Variants in TASP1 observed in about 807,000 individuals in gnomAD.
The protein encoded by TASP1 is threonine aspartase 1.
In TASP1, 16 loss-of-function variants were observed where a neutral mutation model predicts 56.6. The observed-to-expected ratio is 0.28, with a 90% CI of 0.19 to 0.43. The LOEUF is 0.43. Ranked by LOEUF, TASP1 falls within the 20% of genes least tolerant of loss-of-function variation. TASP1 has a pLI of 1.00. For missense variants in TASP1, 393 were observed against 511.6 expected, an observed-to-expected ratio of 0.77 and a Z score of 2.24; for synonymous variants, 179 against 184.2, an observed-to-expected ratio of 0.97 and a Z score of 0.23.
At chr20:13,275,650 T>C in the TASP1 span, among the ~76,000 whole-genome samples, 1 of 152,230 alleles carries the variant, frequency 6.6e-6, no homozygotes, top group Non-Finnish European at 1.5e-5. Context: ...CTATGTAGTA[T>C]AATACTATAT....
chr20:13,461,536 G>A (rs1488020038), intron 11 of TASP1, among the ~76,000 whole-genome samples: 1 of 152,146 alleles, frequency 6.6e-6, no homozygotes, highest in East Asian at 1.9e-4. Flanking sequence ...GAATTGGCAA[G>A]CTTTTTCCAT....
the TASP1 span, among the ~76,000 whole-genome samples, chr20:13,203,723 G>C: frequency 1.3e-5 from 2 of 152,242 alleles, no homozygotes. Context: ...AACTTGCAGA[G>C]AATTAAGTTA....
At chr20:13,110,276 C>G in the TASP1 span, 1 of 1,404,084 alleles carries the variant, frequency 7.1e-7, no homozygotes, top group Non-Finnish European at 9.9e-7. Context: ...CTGACCAGTG[C>G]GGAAAGGCTC....
intron 10 of TASP1, among the ~76,000 whole-genome samples, chr20:13,513,627 A>C (rs557671910): frequency 1.3e-5 from 2 of 152,268 alleles, no homozygotes; most frequent in South Asian, 4.2e-4. Context: ...AAATAAAGTG[A>C]ATGACGGTAG....
At chr20:13,587,113 A>G in intron 5 of TASP1, 137 bp downstream of exon 5, 3 of 1,181,894 alleles carry the variant, frequency 2.5e-6, no homozygotes, top group Non-Finnish European at 3.5e-6. Flanking sequence ...TATGTTTTAA[A>G]TTCAATAAAA....
intron 11 of TASP1, among the ~76,000 whole-genome samples, chr20:13,437,085 T>C (rs56679048): frequency 6.6e-6 from 1 of 152,026 alleles, no homozygotes; most frequent in Non-Finnish European, 1.5e-5. Flanking sequence ...ATATCCCTGA[T>C]GAACATCGAT....
At chr20:13,184,416 T>C in the TASP1 span, among the ~76,000 whole-genome samples, 7 of 152,230 alleles carry the variant, frequency 4.6e-5, 1 homozygote, top group East Asian at 5.8e-4. Flanking sequence ...CATTCTTCAA[T>C]TGTCCATAAG....
intron 10 of TASP1, among the ~76,000 whole-genome samples, chr20:13,522,924 T>C (rs1267669312): frequency 1.3e-5 from 2 of 152,072 alleles, no homozygotes; most frequent in African/African-American, 4.8e-5. Context: ...GGAAGTCTAT[T>C]AAGGACAGTA....
At chr20:13,178,000 C>T in the TASP1 span, among the ~76,000 whole-genome samples, 68 of 152,064 alleles carry the variant, frequency 4.5e-4, no homozygotes, top group Non-Finnish European at 1.5e-5. Flanking sequence ...TTGCAAACTA[C>T]TTACCTGACA....
chr20:13,409,191 C>T (rs2042016747), intron 13 of TASP1, among the ~76,000 whole-genome samples: 1 of 151,904 alleles, frequency 6.6e-6, no homozygotes, highest in African/African-American at 2.4e-5. Context: ...GGTAAATACT[C>T]CTTATGAACT....
the TASP1 span, among the ~76,000 whole-genome samples, chr20:13,241,043 A>C: frequency 6.6e-6 from 1 of 152,178 alleles, no homozygotes; most frequent in South Asian, 2.1e-4. Flanking sequence ...TGTGTCACAG[A>C]AGCCAGGGGA....
chr20:13,241,618 TC>T, the TASP1 span, among the ~76,000 whole-genome samples: 2 of 152,116 alleles, frequency 1.3e-5, no homozygotes, highest in African/African-American at 4.8e-5. Flanking sequence ...TGACTCCTGT[TC>T]CATCAGTGAA....
intron 8 of TASP1, among the ~76,000 whole-genome samples, chr20:13,545,600 A>G (rs567715713): frequency 2.0e-5 from 3 of 152,292 alleles, no homozygotes; most frequent in African/African-American, 7.2e-5. Flanking sequence ...AAGCTGCAAA[A>G]ACCAGCGTTT....
the TASP1 span, among the ~76,000 whole-genome samples, chr20:13,125,136 C>A: frequency 6.6e-6 from 1 of 152,200 alleles, no homozygotes. Flanking sequence ...TGCCACCCAA[C>A]TGAGCACCTG....
At chr20:13,174,062 G>T in the TASP1 span, among the ~76,000 whole-genome samples, 673 of 152,242 alleles carry the variant, frequency 4.4e-3, 6 homozygotes, top group Middle Eastern at 0.014. Context: ...ATTCATTCCT[G>T]CCCCATCCCC....
chr20:13,293,989 G>GA, the TASP1 span, among the ~76,000 whole-genome samples: 20 of 151,562 alleles, frequency 1.3e-4, no homozygotes, highest in South Asian at 4.2e-3. Flanking sequence ...AAAAAAGAAA[G>GA]AAAAAGAAAA....
chr20:13,517,835 A>C (rs750910182), intron 10 of TASP1, among the ~76,000 whole-genome samples: 106 of 152,116 alleles, frequency 7.0e-4, no homozygotes, highest in Non-Finnish European at 1.2e-3. Context: ...AGTTAATCAG[A>C]TATGAAGTGA....
intron 11 of TASP1, among the ~76,000 whole-genome samples, chr20:13,457,393 T>C (rs963919719): frequency 6.6e-6 from 1 of 152,118 alleles, no homozygotes; most frequent in African/African-American, 2.4e-5. Flanking sequence ...TTTAGGGAAG[T>C]CTAAATCAAT....
intron 7 of TASP1, among the ~76,000 whole-genome samples, chr20:13,559,992 GAGAAAGAAA>G (rs2046288496): frequency 6.6e-6 from 1 of 152,128 alleles, no homozygotes; most frequent in South Asian, 2.1e-4. Flanking sequence ...TTTATGCTCA[GAGAAAGAAA>G]AGAAAGACAT....
Sources: gnomAD v4.1 joint callset for allele counts (sites outside exome capture counted in the v4.1 genomes callset) on GRCh38, gnomAD v4.1.1 for gene constraint, MANE v1.5 for transcripts, NCBI Gene and HGNC (gene_info 2026-07-23, HGNC 2026-07-21) for gene names.